The following AXDND1 variants were observed in gnomAD, a reference collection of about 807,000 sequenced individuals.
AXDND1 encodes axonemal dynein light chain domain-containing protein 1.
A neutral mutation model predicts 137.5 loss-of-function variants in AXDND1; 110 were observed. That is an observed-to-expected ratio of 0.80 (90% CI 0.69 to 0.94). The LOEUF (loss-of-function observed/expected upper bound fraction) is 0.94, where lower values mean the gene tolerates loss of function less well. Ranked by LOEUF, AXDND1 falls within the 40% of genes least tolerant of loss-of-function variation. The probability of loss-of-function intolerance (pLI) is 0.00; values close to 1 mark genes in which losing one functional copy is unlikely to be tolerated. For synonymous variants in AXDND1, 414 were observed against 399.7 expected (o/e 1.04, Z -0.43); for missense variants, 1,191 against 1,169.8 (o/e 1.02, Z -0.26).
chr1:179,512,302 C>T (rs1259274311), intron 21 of AXDND1, among the ~76,000 whole-genome samples: 1 of 152,152 alleles, frequency 6.6e-6, no homozygotes, highest in African/African-American at 2.4e-5. Context: ...TATCCCAGCA[C>T]CATTTGTTTA....
At chr1:179,525,295 AT>A (rs780858663) in intron 21 of AXDND1, 38 bp from the exon 22 acceptor site, 363 of 1,562,514 alleles carry the variant, frequency 2.3e-4, no homozygotes, top group Non-Finnish European at 2.8e-4. Flanking sequence ...GCTAATATTT[AT>A]ATACACCCTT....
intron 16 of AXDND1, among the ~76,000 whole-genome samples, chr1:179,463,525 A>T: frequency 6.6e-6 from 1 of 152,114 alleles, no homozygotes. Flanking sequence ...TACTGAGGAG[A>T]GCTTTACTTC....
chr1:179,376,018 A>G (rs1441314150), intron 4 of AXDND1, among the ~76,000 whole-genome samples: 1 of 152,172 alleles, frequency 6.6e-6, no homozygotes, highest in African/African-American at 2.4e-5. Context: ...GCCAAATGGC[A>G]TTGCCCTCAA....
At chr1:179,445,596 T>G (rs1003148643) in intron 16 of AXDND1, among the ~76,000 whole-genome samples, 3 of 152,170 alleles carry the variant, frequency 2.0e-5, no homozygotes, top group African/African-American at 7.2e-5. Flanking sequence ...TTCATGTGAA[T>G]GAATTCATGT....
At chr1:179,404,637 T>C (rs757647308) in intron 11 of AXDND1, among the ~76,000 whole-genome samples, 1 of 152,230 alleles carries the variant, frequency 6.6e-6, no homozygotes, top group Non-Finnish European at 1.5e-5. Context: ...CTTTTTGATA[T>C]GTTGTTGGAT....
chr1:179,417,715 T>C (rs1316650913), intron 12 of AXDND1, among the ~76,000 whole-genome samples: 1 of 152,006 alleles, frequency 6.6e-6, no homozygotes, highest in Admixed American at 6.6e-5. Context: ...TGGTTCCATA[T>C]AGATTTTAGG....
In AXDND1 at chr1:179,484,758, A is replaced by C. The variant is rs1012099791; in HGVS notation, c.2091+1537A>C. Among the ~76,000 whole-genome samples the C allele has an allele frequency of 2.0e-5, 3 of 152,156 alleles. No individual in the cohort carries two copies. The East Asian group carries it at 5.8e-4, about 29-fold the overall frequency. The stretch of plus-strand genomic sequence containing the variant: ...TCCTTCCCCACCAGTGCACATGTGC[A>C]CATGCACCCTACCATGCCAACTGCT... On this transcript the variant is annotated intron_variant, in intron 18 of 25. Coordinates refer to ENST00000367618, the MANE Select transcript of AXDND1 (RefSeq NM_144696.6).
Position 179,432,430 on chromosome 1 carries a change from T to C in AXDND1, c.1563+88T>C, listed in dbSNP as rs79123780. The C allele has an allele frequency of 1.1e-3, 17 of 15,186 alleles. No individual in the cohort carries two copies. In the Middle Eastern group the frequency reaches 0.048, roughly 43 times the overall value. The allele number at this position is 15,186 out of a possible 1,614,324, so 0.9% of individuals were successfully genotyped here. On this transcript the variant is annotated intron_variant, in intron 15 of 25. Coordinates refer to ENST00000367618, the MANE Select transcript of AXDND1 (RefSeq NM_144696.6). ...CCTACAACTGAGGCACATCCCATCC[T>C]TTTTTTTTTTTGGGACGTTGTCTCA...
At chr1:179,381,070 C>T (rs1351721538) in intron 6 of AXDND1, among the ~76,000 whole-genome samples, 4 of 105,836 alleles carry the variant, frequency 3.8e-5, no homozygotes, top group African/African-American at 7.3e-5. Context: ...GACGGAGTTT[C>T]GCTCTTATTG....
chr1:179,381,051 TTTC>T (rs869122938), intron 6 of AXDND1, among the ~76,000 whole-genome samples: 786 of 70,604 alleles, frequency 0.011, 23 homozygotes, highest in African/African-American at 0.03. Context: ...TTTTTTTTTT[TTTC>T]TTTGAGACGG....
chr1:179,527,537 T>TTACAC (rs1206186860), intron 22 of AXDND1, among the ~76,000 whole-genome samples: 1 of 152,146 alleles, frequency 6.6e-6, no homozygotes, highest in African/African-American at 2.4e-5. Context: ...AAGTCAACAG[T>TTACAC]TACACTAGAG....
At chr1:179,520,154 T>G (rs2125671980) in intron 21 of AXDND1, among the ~76,000 whole-genome samples, 1 of 152,316 alleles carries the variant, frequency 6.6e-6, no homozygotes, top group East Asian at 1.9e-4. Context: ...CAATTGTGAA[T>G]GGGAGTTCAT....
In AXDND1 at chr1:179,393,998, TAGA is replaced by T. The variant is rs781502885; in HGVS notation, c.964_966del (p.Glu322del). Reference sequence around the variant, plus strand: ...CAGCGAGTGATGGACCAGCGCATTTTAGAAGAATTGTATAATTTCAAGCATGTT... The same window carrying T: ...CAGCGAGTGATGGACCAGCGCATTTTAGAATTGTATAATTTCAAGCATGTT... On this transcript the variant is annotated inframe_deletion, in exon 10 of 26. Coordinates refer to ENST00000367618, the MANE Select transcript of AXDND1 (RefSeq NM_144696.6). 23 of 1,611,022 alleles carry T rather than the reference TAGA, an allele frequency of 1.4e-5. No individual in the cohort carries two copies. The Middle Eastern group carries it at 9.9e-4, about 69-fold the overall frequency.
chr1:179,418,906 G>C (rs1481413633), intron 12 of AXDND1, among the ~76,000 whole-genome samples: 5 of 151,736 alleles, frequency 3.3e-5, no homozygotes, highest in Non-Finnish European at 7.4e-5. Flanking sequence ...CAGACGGGGC[G>C]GCAGGGCAGA....
intron 11 of AXDND1, among the ~76,000 whole-genome samples, chr1:179,402,476 C>T (rs1356137061): frequency 1.3e-5 from 2 of 152,094 alleles, no homozygotes; most frequent in Admixed American, 6.6e-5. Context: ...TTATATATTC[C>T]GTTTTCCCTT....
At position 179,383,811 on chromosome 1, in the gene AXDND1, T is replaced by C. The variant is rs970986737; in HGVS notation, c.741+267T>C. Among the ~76,000 whole-genome samples, 27 of 152,328 alleles carry C rather than the reference T, an allele frequency of 1.8e-4. 1 individual carries two copies. The highest frequency in any genetic ancestry group is 9.6e-4 in the East Asian group (5 of 5,190). On this transcript the variant is annotated intron_variant, in intron 8 of 25. Transcript: ENST00000367618. ...GTGGTAGACACTGTATAATTAATTG[T>C]TAGTATTATTATTTCACCAAATATA... is the stretch of plus-strand genomic sequence containing the variant.
chr1:179,401,806 TTCCACCA>T (rs899627222), intron 11 of AXDND1, among the ~76,000 whole-genome samples: 3 of 152,138 alleles, frequency 2.0e-5, no homozygotes, highest in Admixed American at 6.6e-5. Context: ...GCCTTTCACC[TTCCACCA>T]TGATTGTGAG....
intron 9 of AXDND1, among the ~76,000 whole-genome samples, chr1:179,392,932 C>T (rs1349296122): frequency 3.3e-5 from 5 of 151,670 alleles, no homozygotes; most frequent in Non-Finnish European, 7.4e-5. Flanking sequence ...GTCTGTTTAA[C>T]CTGCTGATTA....
chr1:179,419,555 A>G (rs1431628495), intron 12 of AXDND1, among the ~76,000 whole-genome samples: 5 of 145,440 alleles, frequency 3.4e-5, no homozygotes, highest in African/African-American at 5.0e-5. Context: ...GTGAGCCGAG[A>G]TGGCAGCAGT....
Sources: gnomAD v4.1 joint callset for allele counts (sites outside exome capture counted in the v4.1 genomes callset) on GRCh38, gnomAD v4.1.1 for gene constraint, MANE v1.5 for transcripts, NCBI Gene and HGNC (gene_info 2026-07-23, HGNC 2026-07-21) for gene names.